KLF2: variants seen among roughly 807,000 people sequenced by gnomAD.
KLF2 encodes Krueppel-like factor 2.
A neutral mutation model predicts 22.2 loss-of-function variants in KLF2; 9 were observed. The observed-to-expected ratio is 0.40, with a 90% CI of 0.24 to 0.71. The LOEUF is 0.71. Ranked by LOEUF, KLF2 falls within the 30% of genes least tolerant of loss-of-function variation. The pLI is 0.35. For missense variants in KLF2, 481 were observed against 542.1 expected, an observed-to-expected ratio of 0.89 and a Z score of 1.12; for synonymous variants, 299 against 264.2, an observed-to-expected ratio of 1.13 and a Z score of -1.28.
rs1310020616 is a variant in KLF2 at position 16,324,842 on chromosome 19, C to T, written c.-82C>T. 1.6e-6 allele frequency: 2 copies of T among 1,243,024 alleles called. No homozygotes were observed. Among genetic ancestry groups the T allele is most frequent in the East Asian group, 6.2e-5 (2 of 32,388 alleles). The allele number at this position is 1,243,024 out of a possible 1,614,324, so 77.0% of individuals were successfully genotyped here. On this transcript the variant is annotated 5_prime_UTR_variant, in exon 1 of 3. Transcript: ENST00000248071. ...CCGCGGCCCACAGAGCCGTCCCCGCCCGCCCGCGCCCCGACCAGCCCGGCC... is the reference window on the plus strand; with the variant it reads ...CCGCGGCCCACAGAGCCGTCCCCGCTCGCCCGCGCCCCGACCAGCCCGGCC...
chr19:16,327,152 C>T lies in KLF2; in HGVS notation c.*121C>T. The T allele has an allele frequency of 1.0e-6, 1 of 970,216 alleles. No homozygotes were observed. Among genetic ancestry groups the T allele is most frequent in the South Asian group, 1.8e-5 (1 of 55,822 alleles). The allele number at this position is 970,216 out of a possible 1,614,324, so 60.1% of individuals were successfully genotyped here. A position where few individuals can be genotyped will look rare whatever the true frequency, so the allele number is the denominator to read the frequency against. ...GAGAACCGGGCCGGGCACAGCGTGG[C>T]TACAGAGGGTCTCCCTCGATGACGA... On this transcript the variant is annotated 3_prime_UTR_variant, in exon 3 of 3. Coordinates refer to ENST00000248071, the MANE Select transcript of KLF2 (RefSeq NM_016270.4).
chr19:16,326,100 C>G (rs1329167865), intron 2 of KLF2, 68 bp downstream of exon 2: 1 of 1,451,892 alleles, frequency 6.9e-7, no homozygotes, highest in East Asian at 2.7e-5. Flanking sequence ...ATTCCCAGCG[C>G]GCGCCAGAAA....
chr19:16,326,735 C>T lies in KLF2; in HGVS notation c.893-121C>T. The T allele has an allele frequency of 9.2e-6, 9 of 979,566 alleles. No homozygotes were observed. In the South Asian group the frequency reaches 1.2e-4, roughly 14 times the overall value. The allele number at this position is 979,566 out of a possible 1,614,324, so 60.7% of individuals were successfully genotyped here. On this transcript the variant is annotated intron_variant, in intron 2 of 2. Transcript: ENST00000248071. ...GTAGGGCAAGGATCCCTCAGGGGCG[C>T]AACACTACCGCGGGGAGCGCGTCAA...
Position 16,325,340 on chromosome 19 carries a change from C to G in KLF2, c.200C>G (p.Pro67Arg), listed in dbSNP as rs922229917. Residue 67 changes from proline (P) to arginine (R), a missense_variant, in exon 2 of 3, where the codon CCG becomes CGG. Pro to Arg is a moderately radical substitution (Grantham distance 103). Transcript: ENST00000248071. ...GAGGCCGCCCCGGAGCCGCCGCCGC[C>G]GCCCCCGCCGCCTGCGTTCTATTAC... ...GAEAAPEPPPPPPPPAFYYPE... is the reference protein window; with the variant it reads ...GAEAAPEPPPRPPPPAFYYPE... 6.8e-7 allele frequency: 1 copy of G among 1,466,838 alleles called. No individual in the cohort carries two copies. The highest frequency in any genetic ancestry group is 1.5e-5 in the African/African-American group (1 of 67,394). 90.9% of individuals were successfully genotyped at this position (1,466,838 alleles called of 1,614,324 possible). A position where few individuals can be genotyped will look rare whatever the true frequency, so the allele number is the denominator to read the frequency against.
At position 16,325,453 on chromosome 19, in the gene KLF2, G is replaced by A. The variant is rs1449640629; in HGVS notation, c.313G>A (p.Gly105Arg). ...GCGACCCGAGCTGGATGCGCCGCTG[G>A]GGCCCGCACTGCACGGCCGCTTTCT... ...LLRPELDAPL[G>R]PALHGRFLLA... The change falls in exon 2 of 3, where the codon GGG becomes AGG. Residue 105 changes from glycine (G) to arginine (R), a missense_variant. Physicochemically the swap from Gly to Arg is moderately radical, Grantham distance 125 (BLOSUM62 -2). Transcript: ENST00000248071. 17 of 1,402,520 alleles carry A rather than the reference G, an allele frequency of 1.2e-5. No individual in the cohort carries two copies. Among genetic ancestry groups the A allele is most frequent in the Non-Finnish European group, 1.6e-5 (17 of 1,084,826 alleles). 86.9% of individuals were successfully genotyped at this position (1,402,520 alleles called of 1,614,324 possible).
At position 16,325,314 on chromosome 19, in the gene KLF2, C is replaced by A; in HGVS notation, c.174C>A (p.Ala58=). 1 of 1,491,154 alleles carries A rather than the reference C, an allele frequency of 6.7e-7. No homozygotes were observed. The highest frequency in any genetic ancestry group is 2.9e-5 in the East Asian group (1 of 34,802). 92.4% of individuals were successfully genotyped at this position (1,491,154 alleles called of 1,614,324 possible). A position where few individuals can be genotyped will look rare whatever the true frequency, so the allele number is the denominator to read the frequency against. ...CCATGGGGCTGGATGGCCTGGGCGC[C>A]GAGGCCGCCCCGGAGCCGCCGCCGC... ...ILSMGLDGLG[A]EAAPEPPPPP... is the part of the protein sequence containing the mutation. The change falls in exon 2 of 3, where the codon GCC becomes GCA. Residue 58 remains alanine (A), a synonymous_variant. Coordinates refer to ENST00000248071, the MANE Select transcript of KLF2 (RefSeq NM_016270.4).
In KLF2 at chr19:16,327,070, G is replaced by A. The variant is rs1269486507; in HGVS notation, c.*39G>A. The A allele has an allele frequency of 1.3e-6, 2 of 1,506,290 alleles. No individual in the cohort carries two copies. The highest frequency in any genetic ancestry group is 2.5e-5 in the East Asian group (1 of 40,534). The allele number at this position is 1,506,290 out of a possible 1,614,324, so 93.3% of individuals were successfully genotyped here. On this transcript the variant is annotated 3_prime_UTR_variant, in exon 3 of 3. Coordinates refer to ENST00000248071, the MANE Select transcript of KLF2 (RefSeq NM_016270.4). ...GCCCACCTGCGCGCGGCCGTGGCGG[G>A]TCCCACGCGCCGGGCGCGGCCCCCT...
rs1237120350 is a variant in KLF2 at position 16,325,420 on chromosome 19, G to C, written c.280G>C (p.Glu94Gln). Reference protein sequence around the residue: ...YSAPAGGLVSELLRPELDAPL... With the variant: ...YSAPAGGLVSQLLRPELDAPL... ...CGCCCCCGCGGGTGGCCTGGTGTCT[G>C]AGCTGCTGCGACCCGAGCTGGATGC... Residue 94 changes from glutamate (E) to glutamine (Q), a missense_variant, in exon 2 of 3, where the codon GAG becomes CAG. Physicochemically the swap from Glu to Gln is conservative, Grantham distance 29 (BLOSUM62 2). Transcript: ENST00000248071. 1 of 1,426,430 alleles carries C rather than the reference G, an allele frequency of 7.0e-7. No individual in the cohort carries two copies. The highest frequency in any genetic ancestry group is 9.1e-7 in the Non-Finnish European group (1 of 1,100,284). The allele number at this position is 1,426,430 out of a possible 1,614,324, so 88.4% of individuals were successfully genotyped here. A position where few individuals can be genotyped will look rare whatever the true frequency, so the allele number is the denominator to read the frequency against.
Position 16,328,681 on chromosome 19 carries a change from C to G in KLF2, c.*1650C>G, listed in dbSNP as rs1330645528. ...TCCGAGAGTAAATAGCCTGGCCTCA[C>G]TTCCGCTGCTGATGAAGGGTGTGAA... is the stretch of plus-strand genomic sequence containing the variant. On this transcript the variant is annotated 3_prime_UTR_variant, in exon 3 of 3. Transcript: ENST00000248071. 6.6e-6 allele frequency among the ~76,000 whole-genome samples: 1 copy of G among 152,168 alleles called. No homozygotes were observed. Among genetic ancestry groups the G allele is most frequent in the Non-Finnish European group, 1.5e-5 (1 of 68,034 alleles).
Position 16,327,301 on chromosome 19 carries a change from C to CA in KLF2, c.*270_*271insA. 8.1e-5 allele frequency: 29 copies of CA among 358,446 alleles called. No individual in the cohort carries two copies. Among genetic ancestry groups the CA allele is most frequent in the South Asian group, 3.8e-4 (7 of 18,514 alleles). 22.2% of individuals were successfully genotyped at this position (358,446 alleles called of 1,614,324 possible). A position where few individuals can be genotyped will look rare whatever the true frequency, so the allele number is the denominator to read the frequency against. ...CAATAATTTAAGTGGCATCTTCTCT[C>CA]CCACCGGGTCTACACTAGAGGATCG... On this transcript the variant is annotated 3_prime_UTR_variant, in exon 3 of 3. Coordinates refer to ENST00000248071, the MANE Select transcript of KLF2 (RefSeq NM_016270.4).
intron 2 of KLF2, 40 bp downstream of exon 2, chr19:16,326,072 C>T: frequency 1.3e-6 from 2 of 1,517,270 alleles, no homozygotes; most frequent in East Asian, 2.6e-5. Flanking sequence ...GGCGGGGGGA[C>T]GCGGGAGGAG....
rs2091892756 is a variant in KLF2, at chr19:16,327,119, T to C, written c.*88T>C. The C allele has an allele frequency of 1.5e-6, 2 of 1,300,658 alleles. No individual in the cohort carries two copies. The highest frequency in any genetic ancestry group is 2.1e-6 in the Non-Finnish European group (2 of 974,162). 80.6% of individuals were successfully genotyped at this position (1,300,658 alleles called of 1,614,324 possible). ...CTCCCAAACTGTGACTGGTATTTAT[T>C]GGACCCAGAGAACCGGGCCGGGCAC... On this transcript the variant is annotated 3_prime_UTR_variant, in exon 3 of 3. Transcript: ENST00000248071.
chr19:16,325,106 C>G, intron 1 of KLF2, 108 bp downstream of exon 1: 2 of 1,326,090 alleles, frequency 1.5e-6, no homozygotes, highest in Admixed American at 2.4e-5. Flanking sequence ...ACTGCAGACT[C>G]AGGAGAGGAG....
At chr19:16,326,072 C>A in intron 2 of KLF2, 40 bp downstream of exon 2, 1 of 1,517,266 alleles carries the variant, frequency 6.6e-7, no homozygotes, top group South Asian at 1.2e-5. Context: ...GGCGGGGGGA[C>A]GCGGGAGGAG....
At position 16,325,932 on chromosome 19, in the gene KLF2, G is replaced by T. The variant is rs1423104651; in HGVS notation, c.792G>T (p.Trp264Cys). The change falls in exon 2 of 3, where the codon TGG becomes TGT. Residue 264 changes from tryptophan (W) to cysteine (C), a missense_variant. This residue lies in a region of KLF2 where 421 missense variants were observed against 435.1 expected (regional missense o/e 0.97). Transcript: ENST00000248071. The part of the protein sequence containing the change: ...EAKPKRGRRS[W>C]PRKRTATHTC... ...AGCCAAAGCGCGGCCGCCGCTCTTG[G>T]CCCCGCAAACGCACCGCCACTCACA... is the stretch of plus-strand genomic sequence containing the variant. 1 of 1,529,078 alleles carries T rather than the reference G, an allele frequency of 6.5e-7. No homozygotes were observed. Among genetic ancestry groups the T allele is most frequent in the East Asian group, 2.6e-5 (1 of 38,084 alleles). 94.7% of individuals were successfully genotyped at this position (1,529,078 alleles called of 1,614,324 possible). A position where few individuals can be genotyped will look rare whatever the true frequency, so the allele number is the denominator to read the frequency against.
chr19:16,325,840 C>T lies in KLF2; in HGVS notation c.700C>T (p.Leu234=). Reference sequence around the variant, plus strand: ...GGCCGCCGCCGCGGCAGCCCTGGGCCTGGCGCCCCCCGCCGCCCGCGGTCT... The same window carrying T: ...GGCCGCCGCCGCGGCAGCCCTGGGCTTGGCGCCCCCCGCCGCCCGCGGTCT... The part of the protein sequence containing the change: ...DAAAAAAALG[L]APPAARGLLT... The change falls in exon 2 of 3, where the codon CTG becomes TTG. Residue 234 remains leucine (L), a synonymous_variant. Transcript: ENST00000248071. 1 of 1,414,228 alleles carries T rather than the reference C, an allele frequency of 7.1e-7. No individual in the cohort carries two copies. Among genetic ancestry groups the T allele is most frequent in the Non-Finnish European group, 9.2e-7 (1 of 1,092,890 alleles). 87.6% of individuals were successfully genotyped at this position (1,414,228 alleles called of 1,614,324 possible).
rs1448366560 is a variant in KLF2, at chr19:16,324,834, G to A, written c.-90G>A. ...GGGCCCGGCCGCGGCCCACAGAGCC[G>A]TCCCCGCCCGCCCGCGCCCCGACCA... On this transcript the variant is annotated 5_prime_UTR_variant, in exon 1 of 3. Transcript: ENST00000248071. 3 of 1,153,888 alleles carry A rather than the reference G, an allele frequency of 2.6e-6. No homozygotes were observed. The highest frequency in any genetic ancestry group is 3.6e-6 in the Non-Finnish European group (3 of 822,140). 71.5% of individuals were successfully genotyped at this position (1,153,888 alleles called of 1,614,324 possible).
At position 16,327,400 on chromosome 19, in the gene KLF2, T is replaced by C. The variant is rs1160993711; in HGVS notation, c.*369T>C. On this transcript the variant is annotated 3_prime_UTR_variant, in exon 3 of 3. Transcript: ENST00000248071. The stretch of plus-strand genomic sequence containing the variant: ...GCGGCATTTTTTATAATATTGTATA[T>C]AGTGACTGACAAATATTGTATTACT... 11 of 186,428 alleles carry C rather than the reference T, an allele frequency of 5.9e-5. No individual in the cohort carries two copies. Among genetic ancestry groups the C allele is most frequent in the Non-Finnish European group, 1.1e-4 (10 of 89,298 alleles). The allele number at this position is 186,428 out of a possible 1,614,324, so 11.5% of individuals were successfully genotyped here.
At position 16,328,402 on chromosome 19, in the gene KLF2, C is replaced by T. The variant is rs2091896473; in HGVS notation, c.*1371C>T. Among the ~76,000 whole-genome samples the T allele has an allele frequency of 6.6e-6, 1 of 152,152 alleles. No homozygotes were observed. Among genetic ancestry groups the T allele is most frequent in the South Asian group, 2.1e-4 (1 of 4,832 alleles). ...ATCTCTCCCCCCAGATTTCACCTGC[C>T]ACCCCTCACCTTCCCCATTCTCAGG... On this transcript the variant is annotated 3_prime_UTR_variant, in exon 3 of 3. Coordinates refer to ENST00000248071, the MANE Select transcript of KLF2 (RefSeq NM_016270.4).
Sources: allele counts gnomAD v4.1 joint callset (sites outside exome capture counted in the v4.1 genomes callset), GRCh38; gene constraint gnomAD v4.1.1; regional missense constraint gnomAD v4.1.1; transcripts MANE v1.5; gene names NCBI Gene and HGNC (gene_info 2026-07-23, HGNC 2026-07-21).